Variants in PAQR3 observed in about 807,000 individuals in gnomAD.
PAQR3 encodes the protein Raf kinase trapping to Golgi.
In PAQR3, 39 loss-of-function variants were observed where a neutral mutation model predicts 41.7. The observed-to-expected ratio is 0.93, with a 90% CI of 0.72 to 1.22. PAQR3 has a LOEUF of 1.22. Among genes scored for constraint, PAQR3 ranks in the 50% most tolerant of loss-of-function variants. The pLI, the probability that PAQR3 is intolerant of heterozygous loss-of-function variation, is 0.00. For missense variants in PAQR3, 366 were observed against 385.6 expected (o/e 0.95, Z 0.42); for synonymous variants, 140 against 140.6 (o/e 1.00, Z 0.03).
chr4:78,918,928 A>C lies in PAQR3; in HGVS notation c.*1611T>G, dbSNP rs1419098840. On this transcript the variant is annotated 3_prime_UTR_variant, in exon 6 of 6. Coordinates refer to ENST00000512733, the MANE Select transcript of PAQR3 (RefSeq NM_001040202.2). ...TCTTCTATCACTTAACATATGGATCAAAATTTTAACCTTATAAGGTAAAAC... is the reference window on the plus strand; with the variant it reads ...TCTTCTATCACTTAACATATGGATCCAAATTTTAACCTTATAAGGTAAAAC... The C allele has an allele frequency of 1.0e-6, 1 of 985,000 alleles. No homozygotes were observed. The highest frequency in any genetic ancestry group is 6.2e-5 in the Admixed American group (1 of 16,196). 61.0% of individuals were successfully genotyped at this position (985,000 alleles called of 1,614,324 possible). A position where few individuals can be genotyped will look rare whatever the true frequency, so the allele number is the denominator to read the frequency against.
intron 11 of PAQR3, among the ~76,000 whole-genome samples, chr4:78,902,757 G>A (rs1560555043): frequency 6.6e-6 from 1 of 152,122 alleles, no homozygotes; most frequent in African/African-American, 2.4e-5. Flanking sequence ...AAAAGGAAAA[G>A]AGGGAAACCT....
intron 12 of PAQR3, among the ~76,000 whole-genome samples, chr4:78,887,794 G>T (rs1056683442): frequency 1.3e-5 from 2 of 152,082 alleles, no homozygotes; most frequent in South Asian, 4.1e-4. Flanking sequence ...GTTAACACTT[G>T]GAAGATACTA....
chr4:78,920,491 C>T lies in PAQR3; in HGVS notation c.*48G>A. ...AGAAATAGTGGGGTATACAATTCCC[C>T]ATTATATATTGCTTAACAACTGAAT... On this transcript the variant is annotated 3_prime_UTR_variant, in exon 6 of 6. Transcript: ENST00000512733. 1 of 1,566,108 alleles carries T rather than the reference C, an allele frequency of 6.4e-7. No homozygotes were observed. The highest frequency in any genetic ancestry group is 2.3e-5 in the East Asian group (1 of 43,186).
At chr4:78,910,081 C>CA (rs1553922430), downstream of PAQR3, among the ~76,000 whole-genome samples, 1 of 152,054 alleles carries the variant, frequency 6.6e-6, no homozygotes, top group Non-Finnish European at 1.5e-5. Context: ...TTGGTGAGGC[C>CA]ATTCATGCTA....
intron 11 of PAQR3, among the ~76,000 whole-genome samples, chr4:78,891,866 A>C (rs1489450630): frequency 1.3e-5 from 2 of 152,154 alleles, no homozygotes; most frequent in Non-Finnish European, 2.9e-5. Flanking sequence ...GAAATCCTTT[A>C]GTTTGATACA....
intron 11 of PAQR3, among the ~76,000 whole-genome samples, chr4:78,892,830 T>C (rs1371177573): frequency 6.6e-6 from 1 of 152,246 alleles, no homozygotes; most frequent in African/African-American, 2.4e-5. Flanking sequence ...AAATAACTTA[T>C]TGATAAAAAA....
intron 11 of PAQR3, among the ~76,000 whole-genome samples, chr4:78,892,153 G>A (rs1321316493): frequency 1.3e-5 from 2 of 152,114 alleles, no homozygotes; most frequent in Admixed American, 1.3e-4. Context: ...AAGAGTTAGT[G>A]TATGATGTAG....
rs1171555060 is a variant in PAQR3, at chr4:78,935,198, T to C, written c.271A>G (p.Met91Val). 4.3e-6 allele frequency: 7 copies of C among 1,613,762 alleles called. No individual in the cohort carries two copies. In the Admixed American group the frequency reaches 5.0e-5, roughly 12 times the overall value. Residue 91 changes from methionine (M) to valine (V), a missense_variant, in exon 2 of 6, where the codon ATG becomes GTG. Physicochemically the swap from Met to Val is conservative, Grantham distance 21. Coordinates refer to ENST00000512733, the MANE Select transcript of PAQR3 (RefSeq NM_001040202.2). ...CTTGCTGAAGGTAACACAGATGTCA[T>C]GTCATATATTCCCAGGGTGAAGAAG... ...FLFFTLGIYD[M>V]TSVLPSASAS...
intron 2 of PAQR3, among the ~76,000 whole-genome samples, chr4:78,934,278 C>T (rs180771315): frequency 2.3e-4 from 35 of 152,226 alleles, no homozygotes; most frequent in African/African-American, 7.7e-4. Context: ...AAAATGATGA[C>T]TCTCTGAAAT....
chr4:78,919,073 T>G lies in PAQR3; in HGVS notation c.*1466A>C. On this transcript the variant is annotated 3_prime_UTR_variant, in exon 6 of 6. Coordinates refer to ENST00000512733, the MANE Select transcript of PAQR3 (RefSeq NM_001040202.2). ...CTATACTAGCATGGGGAATTTATAT[T>G]CCAAAAACACTACACTGGAAAAGAA... 1 of 985,040 alleles carries G rather than the reference T, an allele frequency of 1.0e-6. No homozygotes were observed. Among genetic ancestry groups the G allele is most frequent in the East Asian group, 1.1e-4 (1 of 8,818 alleles). 61.0% of individuals were successfully genotyped at this position (985,040 alleles called of 1,614,324 possible). A position where few individuals can be genotyped will look rare whatever the true frequency, so the allele number is the denominator to read the frequency against.
At position 78,920,397 on chromosome 4, in the gene PAQR3, C is replaced by T. The variant is rs1468131566; in HGVS notation, c.*142G>A. On this transcript the variant is annotated 3_prime_UTR_variant, in exon 6 of 6. Coordinates refer to ENST00000512733, the MANE Select transcript of PAQR3 (RefSeq NM_001040202.2). ...TTATTACTACAGATCCTTAAGTATA[C>T]TTTTTTTCCCATTTTTATAAAGCAT... The T allele has an allele frequency of 3.1e-6, 4 of 1,300,224 alleles. No homozygotes were observed. Among genetic ancestry groups the T allele is most frequent in the East Asian group, 5.8e-5 (2 of 34,190 alleles). 80.5% of individuals were successfully genotyped at this position (1,300,224 alleles called of 1,614,324 possible).
At chr4:78,895,485 A>T (rs980621853) in intron 11 of PAQR3, among the ~76,000 whole-genome samples, 4 of 152,190 alleles carry the variant, frequency 2.6e-5, no homozygotes, top group Non-Finnish European at 4.4e-5. Context: ...ATAAATTTTT[A>T]AAAAATACTT....
chr4:78,895,873 C>T (rs1428949885), intron 11 of PAQR3, among the ~76,000 whole-genome samples: 1 of 144,000 alleles, frequency 6.9e-6, no homozygotes, highest in Non-Finnish European at 1.5e-5. Context: ...GCAGTCCTCC[C>T]ACCTTAGCCT....
At chr4:78,889,253 A>G (rs1015678172) in intron 11 of PAQR3, among the ~76,000 whole-genome samples, 1 of 151,088 alleles carries the variant, frequency 6.6e-6, no homozygotes, top group Non-Finnish European at 1.5e-5. Flanking sequence ...GCCCATTAAT[A>G]TAAATGCTAC....
rs1319002686 is a variant in PAQR3, at chr4:78,938,386, C to T, written c.185+654G>A. On this transcript the variant is annotated intron_variant, in intron 1 of 5. Transcript: ENST00000512733. ...TAAAGAAATTTCTTTCTTAGAGATG[C>T]TTCTGTGGTGCTCTAGTGGAGACTG... 2.0e-5 allele frequency among the ~76,000 whole-genome samples: 3 copies of T among 152,246 alleles called. No homozygotes were observed. In the East Asian group the frequency reaches 5.8e-4, roughly 29 times the overall value.
At chr4:78,897,167 T>TGA (rs1432743440) in intron 11 of PAQR3, among the ~76,000 whole-genome samples, 1 of 151,572 alleles carries the variant, frequency 6.6e-6, no homozygotes, top group African/African-American at 2.4e-5. Flanking sequence ...AACTTTTTTT[T>TGA]GAGAGCAGCT....
In PAQR3 at chr4:78,923,960, A is replaced by G; in HGVS notation, c.703-13T>C. 1 of 1,592,054 alleles carries G rather than the reference A, an allele frequency of 6.3e-7. No individual in the cohort carries two copies. The highest frequency in any genetic ancestry group is 8.6e-7 in the Non-Finnish European group (1 of 1,160,564). ...GGGGTGCAAAGTCCTGAAAAGCAGA[A>G]CATGTTTTTTTACAGATCTTCCTAC... On this transcript the variant is annotated splice_polypyrimidine_tract_variant and intron_variant, in intron 4 of 5. Transcript: ENST00000512733.
intron 2 of PAQR3, among the ~76,000 whole-genome samples, chr4:78,931,567 G>A (rs967923752): frequency 9.9e-5 from 15 of 152,086 alleles, no homozygotes. Flanking sequence ...TACATTGGAG[G>A]TGATACAGAA....
At chr4:78,892,170 T>C (rs1433032797) in intron 11 of PAQR3, among the ~76,000 whole-genome samples, 2 of 152,194 alleles carry the variant, frequency 1.3e-5, no homozygotes, top group Non-Finnish European at 2.9e-5. Flanking sequence ...GTAGATTTTT[T>C]TCCTAAATAT....
Sources: gnomAD v4.1 joint callset for allele counts (sites outside exome capture counted in the v4.1 genomes callset) on GRCh38, gnomAD v4.1.1 for gene constraint, MANE v1.5 for transcripts, NCBI Gene and HGNC (gene_info 2026-07-23, HGNC 2026-07-21) for gene names.